Variants in WWOX observed in about 807,000 individuals in gnomAD.
WWOX encodes the protein WW domain-containing oxidoreductase.
WWOX carries 69 observed loss-of-function variants against 46.2 expected under a neutral mutation model. That is an observed-to-expected ratio of 1.49 (90% CI 1.23 to 1.82). The LOEUF (loss-of-function observed/expected upper bound fraction) is 1.82. Ranked by LOEUF, WWOX falls within the 40% of genes most tolerant of loss-of-function variation. The probability of loss-of-function intolerance (pLI) is 0.00; values close to 1 mark genes in which losing one functional copy is unlikely to be tolerated. For missense variants in WWOX, 919 were observed against 542.6 expected (o/e 1.69, Z -6.89); for synonymous variants, 359 against 202.6 (o/e 1.77, Z -6.56).
intron 8 of WWOX, among the ~76,000 whole-genome samples, chr16:78,526,929 C>G (rs914303780): frequency 6.6e-6 from 1 of 152,160 alleles, no homozygotes; most frequent in African/African-American, 2.4e-5. Flanking sequence ...CTTTGGGAGG[C>G]CGAGGCAGGT....
At chr16:78,400,613 C>A (rs1009600225) in intron 6 of WWOX, among the ~76,000 whole-genome samples, 1 of 151,928 alleles carries the variant, frequency 6.6e-6, no homozygotes, top group Non-Finnish European at 1.5e-5. Flanking sequence ...TCTCCTCTTA[C>A]CATCCTAAGG....
intron 8 of WWOX, among the ~76,000 whole-genome samples, chr16:78,499,639 G>A (rs553779375): frequency 6.6e-6 from 1 of 152,222 alleles, no homozygotes; most frequent in South Asian, 2.1e-4. Flanking sequence ...CCATCTGGTA[G>A]TTGTTTGTGC....
chr16:78,840,782 A>G (rs1247392652), intron 8 of WWOX, among the ~76,000 whole-genome samples: 1 of 151,594 alleles, frequency 6.6e-6, no homozygotes, highest in Non-Finnish European at 1.5e-5. Context: ...GGTTTTTTCA[A>G]AAAAATTGTG....
At chr16:79,062,170 C>G (rs1413618722) in intron 8 of WWOX, among the ~76,000 whole-genome samples, 2 of 152,096 alleles carry the variant, frequency 1.3e-5, no homozygotes, top group Non-Finnish European at 2.9e-5. Flanking sequence ...GCCCCAGACT[C>G]AAGGTTGGGG....
intron 4 of WWOX, among the ~76,000 whole-genome samples, chr16:78,157,822 A>AT (rs1255041566): frequency 6.6e-6 from 1 of 152,148 alleles, no homozygotes; most frequent in Non-Finnish European, 1.5e-5. Flanking sequence ...GCAAGTTTTA[A>AT]TTTTTTAGTC....
chr16:79,045,020 G>C (rs866667769), intron 8 of WWOX, among the ~76,000 whole-genome samples: 3 of 152,164 alleles, frequency 2.0e-5, no homozygotes, highest in African/African-American at 7.2e-5. Context: ...TAGCATCAGC[G>C]AGCTCTAGAA....
At chr16:79,087,850 G>C (rs2048881807) in intron 8 of WWOX, among the ~76,000 whole-genome samples, 1 of 152,164 alleles carries the variant, frequency 6.6e-6, no homozygotes, top group African/African-American at 2.4e-5. Flanking sequence ...AGGGGACCAG[G>C]AAATGCTGAA....
intron 5 of WWOX, among the ~76,000 whole-genome samples, chr16:78,309,031 C>A (rs1427153585): frequency 1.3e-5 from 2 of 152,158 alleles, no homozygotes; most frequent in Non-Finnish European, 2.9e-5. Flanking sequence ...CAAAATCAGT[C>A]CTTTCTATTG....
At chr16:78,855,613 C>G (rs1392156222) in intron 8 of WWOX, among the ~76,000 whole-genome samples, 1 of 152,192 alleles carries the variant, frequency 6.6e-6, no homozygotes, top group African/African-American at 2.4e-5. Context: ...CCATCAGATT[C>G]TAGAGCTAAC....
At chr16:78,429,303 A>G (rs559669068) in intron 7 of WWOX, among the ~76,000 whole-genome samples, 1 of 152,296 alleles carries the variant, frequency 6.6e-6, no homozygotes, top group South Asian at 2.1e-4. Flanking sequence ...AACACTAGGA[A>G]TGGTGTCATG....
intron 8 of WWOX, among the ~76,000 whole-genome samples, chr16:78,888,468 G>C (rs545690913): frequency 6.6e-6 from 1 of 152,158 alleles, no homozygotes; most frequent in Non-Finnish European, 1.5e-5. Context: ...AGGTCCACTA[G>C]GTGCTATTAG....
chr16:79,075,193 A>C (rs922690798), intron 8 of WWOX, among the ~76,000 whole-genome samples: 1 of 152,252 alleles, frequency 6.6e-6, no homozygotes, highest in African/African-American at 2.4e-5. Flanking sequence ...CTGCATTTGT[A>C]TGAAGCTTCC....
At position 79,212,030 on chromosome 16, in the gene WWOX, G is replaced by A. The variant is rs768767190; in HGVS notation, c.*234G>A. 95 of 1,536,104 alleles carry A rather than the reference G, an allele frequency of 6.2e-5. No homozygotes were observed. Among genetic ancestry groups the A allele is most frequent in the Non-Finnish European group, 7.6e-5 (87 of 1,146,910 alleles). On this transcript the variant is annotated 3_prime_UTR_variant, in exon 9 of 9. Transcript: ENST00000566780. ...TAGGCATAGGTCTCTTTGCTTTCTGGTGGTGGCCTGTTTGAAAGTAAAAAC... is the reference window on the plus strand; with the variant it reads ...TAGGCATAGGTCTCTTTGCTTTCTGATGGTGGCCTGTTTGAAAGTAAAAAC...
intron 8 of WWOX, among the ~76,000 whole-genome samples, chr16:78,572,731 C>G (rs1406193404): frequency 1.3e-5 from 2 of 149,530 alleles, no homozygotes; most frequent in Non-Finnish European, 3.0e-5. Context: ...TAAAGAAAAC[C>G]AAGGGAATGA....
intron 8 of WWOX, among the ~76,000 whole-genome samples, chr16:78,621,325 C>G (rs2046175572): frequency 6.6e-6 from 1 of 152,072 alleles, no homozygotes; most frequent in South Asian, 2.1e-4. Flanking sequence ...TTCTAACCCC[C>G]TACTCACCAC....
At chr16:78,227,406 G>A (rs1489929136) in intron 5 of WWOX, among the ~76,000 whole-genome samples, 1 of 152,178 alleles carries the variant, frequency 6.6e-6, no homozygotes, top group Non-Finnish European at 1.5e-5. Context: ...CATGGGGACC[G>A]AGGGAATAAA....
At chr16:78,357,895 C>A (rs1482863776) in intron 5 of WWOX, among the ~76,000 whole-genome samples, 5 of 152,204 alleles carry the variant, frequency 3.3e-5, no homozygotes, top group Admixed American at 2.6e-4. Context: ...AGGCTGACTT[C>A]TGTGCCTGTT....
intron 5 of WWOX, among the ~76,000 whole-genome samples, chr16:78,320,299 A>C (rs1201264696): frequency 6.6e-6 from 1 of 152,162 alleles, no homozygotes; most frequent in Non-Finnish European, 1.5e-5. Context: ...TTTACTCAAC[A>C]GACTTTTGTT....
intron 8 of WWOX, chr16:79,106,551 C>T (rs1456382778): frequency 1.4e-5 from 2 of 142,172 alleles, no homozygotes; most frequent in Non-Finnish European, 3.0e-5. Context: ...TCAAGAACTT[C>T]ATGACCCTAA....
Sources: allele counts gnomAD v4.1 joint callset (sites outside exome capture counted in the v4.1 genomes callset), GRCh38; gene constraint gnomAD v4.1.1; transcripts MANE v1.5; gene names NCBI Gene and HGNC (gene_info 2026-07-23, HGNC 2026-07-21).